The following ANO3 variants were observed in gnomAD, a reference collection of about 807,000 sequenced individuals.
ANO3 encodes the protein anoctamin 3.
ANO3 carries 99 observed loss-of-function variants against 144.8 expected under a neutral mutation model. The ratio of observed to expected loss-of-function variants is 0.68; its 90% confidence interval spans 0.58 to 0.81. The LOEUF is 0.81. Among genes scored for constraint, ANO3 ranks in the 30% least tolerant of loss-of-function variants. The pLI, the probability that ANO3 is intolerant of heterozygous loss-of-function variation, is 0.00. For missense variants in ANO3, 905 were observed against 1,202.2 expected, an observed-to-expected ratio of 0.75 and a Z score of 3.66; for synonymous variants, 414 against 392.6, an observed-to-expected ratio of 1.05 and a Z score of -0.64.
intron 1 of ANO3, among the ~76,000 whole-genome samples, chr11:26,190,755 G>T (rs1346051385): frequency 1.3e-5 from 2 of 152,080 alleles, no homozygotes; most frequent in East Asian, 1.9e-4. Context: ...CTATAGTGCA[G>T]GTATAATGTC....
At chr11:26,522,804 T>A (rs1336685225) in intron 6 of ANO3, among the ~76,000 whole-genome samples, 3 of 152,126 alleles carry the variant, frequency 2.0e-5, no homozygotes, top group Non-Finnish European at 4.4e-5. Context: ...GAATAAATAT[T>A]AAACTAGAAT....
At chr11:26,268,162 A>G (rs977740118) in intron 1 of ANO3, among the ~76,000 whole-genome samples, 1 of 152,214 alleles carries the variant, frequency 6.6e-6, no homozygotes, top group Non-Finnish European at 1.5e-5. Context: ...ATAAATAAAT[A>G]GTTGGTCATT....
intron 1 of ANO3, among the ~76,000 whole-genome samples, chr11:26,336,290 A>G (rs1358869108): frequency 1.2e-4 from 18 of 152,202 alleles, no homozygotes; most frequent in Admixed American, 3.9e-4. Context: ...CTTTTCATAG[A>G]ACCATAGATC....
intron 1 of ANO3, among the ~76,000 whole-genome samples, chr11:26,302,802 G>A (rs980043896): frequency 6.6e-6 from 1 of 151,942 alleles, no homozygotes; most frequent in African/African-American, 2.4e-5. Context: ...ATGCTATCAC[G>A]CAAAAACTAT....
intron 14 of ANO3, among the ~76,000 whole-genome samples, chr11:26,596,067 G>C (rs1006250533): frequency 3.3e-5 from 5 of 152,182 alleles, no homozygotes; most frequent in Admixed American, 2.0e-4. Flanking sequence ...TAATATTGGA[G>C]TGTTATAGGG....
At chr11:26,439,591 T>C (rs1231128732) in intron 1 of ANO3, among the ~76,000 whole-genome samples, 2 of 152,212 alleles carry the variant, frequency 1.3e-5, no homozygotes, top group African/African-American at 2.4e-5. Context: ...CTAAACTGTA[T>C]ACTTAAAGGA....
At chr11:26,418,871 C>G (rs1196658234) in intron 1 of ANO3, among the ~76,000 whole-genome samples, 1 of 149,834 alleles carries the variant, frequency 6.7e-6, no homozygotes, top group African/African-American at 2.5e-5. Flanking sequence ...GCCAGAATTC[C>G]TCCAGTGATC....
intron 17 of ANO3, among the ~76,000 whole-genome samples, chr11:26,614,869 A>G (rs1852204619): frequency 6.6e-6 from 1 of 151,860 alleles, no homozygotes; most frequent in Non-Finnish European, 1.5e-5. Flanking sequence ...GCTGCCTAGC[A>G]CTCTACTTCA....
rs143400035 is a variant in ANO3 at position 26,537,380 on chromosome 11, T to G, written c.977-26T>G. ...AAATGTTTCATTGAAACTAACTCAA[T>G]AACTGTCCTTTTCTTCTCTTTGCAG... is the stretch of plus-strand genomic sequence containing the variant. On this transcript the variant is annotated intron_variant, in intron 9 of 26. Transcript: ENST00000256737. 87 of 1,582,440 alleles carry G rather than the reference T, an allele frequency of 5.5e-5. No homozygotes were observed. In the African/African-American group the frequency reaches 7.9e-4, roughly 14 times the overall value.
rs764212803 is a variant in ANO3 at position 26,534,520 on chromosome 11, A to G, written c.934A>G (p.Met312Val). The change falls in exon 9 of 27, where the codon ATG becomes GTG. Residue 312 changes from methionine to valine, a missense_variant. Physicochemically the swap from Met to Val is conservative, Grantham distance 21 (BLOSUM62 1). Transcript: ENST00000256737. Reference sequence around the variant, plus strand: ...TACTCGAAGCAGAATAGTCTATCACATGCTGGAACGCACCAAATATGAAAA... The same window carrying G: ...TACTCGAAGCAGAATAGTCTATCACGTGCTGGAACGCACCAAATATGAAAA... ...NATRSRIVYH[M>V]LERTKYENGI... The G allele has an allele frequency of 3.7e-6, 6 of 1,613,014 alleles. No homozygotes were observed. The highest frequency in any genetic ancestry group is 1.3e-5 in the African/African-American group (1 of 74,922).
chr11:26,286,518 T>C (rs577844942), intron 1 of ANO3, among the ~76,000 whole-genome samples: 1 of 152,348 alleles, frequency 6.6e-6, no homozygotes, highest in Admixed American at 6.5e-5. Flanking sequence ...GTATGACCAA[T>C]TGTATAATAA....
At chr11:26,608,041 T>C (rs1851984615) in intron 17 of ANO3, among the ~76,000 whole-genome samples, 1 of 152,244 alleles carries the variant, frequency 6.6e-6, no homozygotes, top group African/African-American at 2.4e-5. Flanking sequence ...TCAGCATTTT[T>C]TCGTTGATTC....
intron 4 of ANO3, among the ~76,000 whole-genome samples, chr11:26,499,439 C>T (rs113982341): frequency 2.0e-5 from 3 of 151,742 alleles, no homozygotes; most frequent in African/African-American, 7.2e-5. Flanking sequence ...ACTTTTCTCA[C>T]TTAAATCTTT....
intron 3 of ANO3, among the ~76,000 whole-genome samples, chr11:26,453,141 AC>A (rs1473788959): frequency 6.6e-5 from 10 of 152,234 alleles, no homozygotes; most frequent in African/African-American, 2.4e-4. Flanking sequence ...AAATGTAAAG[AC>A]CATTGAGACT....
At chr11:26,365,838 G>A (rs1215716119) in intron 1 of ANO3, among the ~76,000 whole-genome samples, 3 of 151,740 alleles carry the variant, frequency 2.0e-5, no homozygotes, top group South Asian at 2.1e-4. Context: ...TAACTTTGAG[G>A]CCTTTTCCTC....
At chr11:26,404,925 TTATA>T (rs555709558) in intron 1 of ANO3, among the ~76,000 whole-genome samples, 1 of 56,516 alleles carries the variant, frequency 1.8e-5, no homozygotes, top group South Asian at 8.2e-4. Flanking sequence ...AGCAAGGAAT[TTATA>T]TATATGTGTG....
chr11:26,514,109 T>C (rs993744074), intron 5 of ANO3, among the ~76,000 whole-genome samples: 4 of 151,878 alleles, frequency 2.6e-5, no homozygotes, highest in African/African-American at 7.2e-5. Flanking sequence ...AGAAAATGTA[T>C]GCCCAGTTCA....
At position 26,332,260 on chromosome 11, in the gene ANO3, G is replaced by A. The variant is rs774584767; in HGVS notation, c.-16G>A. ...TCGGGCAGCTCCCTAAGCCGGCTGG[G>A]ACGCGCAGAGTGAAAATGGTCCACC... On this transcript the variant is annotated 5_prime_UTR_variant, in exon 1 of 27. Transcript: ENST00000256737. 1 of 1,614,038 alleles carries A rather than the reference G, an allele frequency of 6.2e-7. No individual in the cohort carries two copies. The highest frequency in any genetic ancestry group is 1.1e-5 in the South Asian group (1 of 91,074).
chr11:26,483,591 C>T (rs1960088), intron 4 of ANO3, among the ~76,000 whole-genome samples: 87,579 of 151,990 alleles, frequency 0.58, 25,788 homozygotes, highest in East Asian at 0.68. Flanking sequence ...GCCCCCCTCC[C>T]ACCTTGATCA....
Sources: allele counts gnomAD v4.1 joint callset (sites outside exome capture counted in the v4.1 genomes callset), GRCh38; gene constraint gnomAD v4.1.1; transcripts MANE v1.5; gene names NCBI Gene and HGNC (gene_info 2026-07-23, HGNC 2026-07-21).